The following CDH13 variants were observed in gnomAD, a reference collection of about 807,000 sequenced individuals.
CDH13 encodes cadherin 13.
CDH13 carries 24 observed loss-of-function variants against 63.8 expected under a neutral mutation model. That is an observed-to-expected ratio of 0.38 (90% CI 0.27 to 0.53). CDH13 has a LOEUF of 0.53. Among genes scored for constraint, CDH13 ranks in the 20% least tolerant of loss-of-function variants. The pLI, the probability that CDH13 is intolerant of heterozygous loss-of-function variation, is 0.85. For synonymous variants in CDH13, 503 were observed against 355.3 expected (o/e 1.42, Z -4.67); for missense variants, 1,049 against 903.1 (o/e 1.16, Z -2.07).
intron 5 of CDH13, among the ~76,000 whole-genome samples, chr16:83,258,137 TAC>T (rs1361403249): frequency 6.6e-6 from 1 of 152,228 alleles, no homozygotes; most frequent in African/African-American, 2.4e-5. Context: ...ATTTCTGATT[TAC>T]ACAATAACGT....
intron 1 of CDH13, among the ~76,000 whole-genome samples, 196 bp downstream of exon 1, chr16:82,627,333 C>CGTGTGTGTGTGTGTGTGTGT (rs1238497118): frequency 1.5e-5 from 1 of 67,364 alleles, no homozygotes; most frequent in East Asian, 3.0e-4. Flanking sequence ...CCCACTCTGG[C>CGTGTGTGTGTGTGTGTGTGT]GTGCGTGTGT....
intron 8 of CDH13, among the ~76,000 whole-genome samples, chr16:83,617,094 C>A (rs1445157223): frequency 1.3e-5 from 2 of 152,176 alleles, no homozygotes; most frequent in Non-Finnish European, 2.9e-5. Context: ...CATTGCCTTT[C>A]GCTTGTGGAC....
intron 5 of CDH13, among the ~76,000 whole-genome samples, chr16:83,218,295 C>A (rs2039598707): frequency 6.6e-6 from 1 of 152,180 alleles, no homozygotes; most frequent in Non-Finnish European, 1.5e-5. Context: ...CACCCTCCAG[C>A]AGAACCCTTA....
rs199580170 is a variant in CDH13, at chr16:83,160,849, GA to G, written c.483+35353del. ...AAAGATGTTTTTAAACATCAGGTGA[GA>G]AAAACAGTTTCCACACAAGTGTTTG... On this transcript the variant is annotated intron_variant, in intron 4 of 13. Transcript: ENST00000567109. 9.2e-3 allele frequency among the ~76,000 whole-genome samples: 1,400 copies of G among 152,308 alleles called. 15 individuals carry two copies. The highest frequency in any genetic ancestry group is 0.015 in the Non-Finnish European group (1,024 of 68,020).
At chr16:83,261,712 T>A (rs910292683) in intron 5 of CDH13, among the ~76,000 whole-genome samples, 1 of 151,648 alleles carries the variant, frequency 6.6e-6, no homozygotes, top group Non-Finnish European at 1.5e-5. Context: ...CCTCTTTTTT[T>A]TTTTTTTGAT....
chr16:83,440,614 A>G (rs2072451892), intron 6 of CDH13, among the ~76,000 whole-genome samples: 1 of 151,982 alleles, frequency 6.6e-6, no homozygotes, highest in Non-Finnish European at 1.5e-5. Flanking sequence ...GTGAAACCGT[A>G]TCTCTACTAA....
At position 83,168,619 on chromosome 16, in the gene CDH13, G is replaced by T. The variant is rs143810477; in HGVS notation, c.483+43118G>T. On this transcript the variant is annotated intron_variant, in intron 4 of 13. Coordinates refer to ENST00000567109, the MANE Select transcript of CDH13 (RefSeq NM_001257.5). ...TAGTAAAATAAATTTTAAAAAAAAC[G>T]AACTTGTAATTTCCCCACTCAGAGA... Among the ~76,000 whole-genome samples, 1,271 of 151,322 alleles carry T rather than the reference G, an allele frequency of 8.4e-3. 26 individuals are homozygous for T. The highest frequency in any genetic ancestry group is 0.029 in the African/African-American group (1,205 of 41,068).
chr16:83,428,861 C>A (rs1192136650), intron 6 of CDH13, among the ~76,000 whole-genome samples: 1 of 152,202 alleles, frequency 6.6e-6, no homozygotes, highest in Non-Finnish European at 1.5e-5. Context: ...CCAGTGCATT[C>A]AGGCACTATT....
At chr16:82,897,089 T>G (rs2041297278) in intron 2 of CDH13, among the ~76,000 whole-genome samples, 1 of 152,172 alleles carries the variant, frequency 6.6e-6, no homozygotes, top group South Asian at 2.1e-4. Context: ...CACACTGCTG[T>G]GCAATTCTAA....
intron 4 of CDH13, among the ~76,000 whole-genome samples, chr16:83,210,254 G>A (rs550442337): frequency 2.0e-5 from 3 of 151,406 alleles, no homozygotes; most frequent in South Asian, 2.1e-4. Flanking sequence ...CAGTAGAGAC[G>A]GGGTCTCACC....
chr16:83,474,394 A>G (rs1021850183), intron 6 of CDH13, among the ~76,000 whole-genome samples: 4 of 152,190 alleles, frequency 2.6e-5, no homozygotes, highest in Admixed American at 6.5e-5. Context: ...AGCTTCTATC[A>G]TTCCAAGGAT....
chr16:83,605,889 C>G (rs1486179436), intron 8 of CDH13, among the ~76,000 whole-genome samples: 1 of 152,120 alleles, frequency 6.6e-6, no homozygotes, highest in Non-Finnish European at 1.5e-5. Flanking sequence ...AGGGGAGAAG[C>G]AATTCTGCAG....
intron 2 of CDH13, among the ~76,000 whole-genome samples, chr16:82,997,474 T>G (rs1912375212): frequency 6.6e-6 from 1 of 152,146 alleles, no homozygotes; most frequent in Admixed American, 6.5e-5. Flanking sequence ...AAAATAAAAA[T>G]TAGTGCAAAA....
At chr16:83,232,095 T>C (rs1028976714) in intron 5 of CDH13, among the ~76,000 whole-genome samples, 2 of 151,840 alleles carry the variant, frequency 1.3e-5, no homozygotes, top group East Asian at 3.9e-4. Context: ...ACATAACTAA[T>C]GGGTGCTAGG....
intron 10 of CDH13, among the ~76,000 whole-genome samples, chr16:83,730,007 G>A (rs965649874): frequency 2.0e-5 from 3 of 152,204 alleles, no homozygotes; most frequent in African/African-American, 7.2e-5. Context: ...TTTGCATGTG[G>A]ACCCTCACGG....
intron 2 of CDH13, among the ~76,000 whole-genome samples, chr16:82,894,650 G>T (rs1052132468): frequency 2.0e-5 from 3 of 151,740 alleles, no homozygotes; most frequent in Non-Finnish European, 2.9e-5. Context: ...CTCAAAAAAA[G>T]AGAAAAAGAA....
chr16:83,717,625 G>C (rs1909118977), intron 10 of CDH13, among the ~76,000 whole-genome samples: 1 of 152,242 alleles, frequency 6.6e-6, no homozygotes, highest in Non-Finnish European at 1.5e-5. Flanking sequence ...GACGCTGTGA[G>C]CTCCTTTCAC....
intron 2 of CDH13, among the ~76,000 whole-genome samples, chr16:82,918,803 C>T (rs1044809688): frequency 1.3e-5 from 2 of 152,128 alleles, no homozygotes; most frequent in Admixed American, 6.5e-5. Flanking sequence ...TGAGCCCCTA[C>T]GCCTGGCCCA....
intron 10 of CDH13, among the ~76,000 whole-genome samples, chr16:83,719,643 A>G (rs752005947): frequency 5.9e-5 from 9 of 152,146 alleles, no homozygotes; most frequent in Non-Finnish European, 1.0e-4. Context: ...TAAGAATTTA[A>G]ACCCCCACGG....
Sources: allele counts gnomAD v4.1 joint callset (sites outside exome capture counted in the v4.1 genomes callset), GRCh38; gene constraint gnomAD v4.1.1; transcripts MANE v1.5; gene names NCBI Gene and HGNC (gene_info 2026-07-23, HGNC 2026-07-21).